Variants in SKI observed in about 807,000 individuals in gnomAD.
SKI encodes ski oncogene.
Under a neutral mutation model 59.3 loss-of-function variants are expected in SKI, and 23 were observed. The ratio of observed to expected loss-of-function variants is 0.39; its 90% CI spans 0.28 to 0.55. The LOEUF (loss-of-function observed/expected upper bound fraction) is 0.55, where lower values mean the gene tolerates loss of function less well. Ranked by LOEUF, SKI falls within the 20% of genes least tolerant of loss-of-function variation. The pLI, the probability that SKI is intolerant of heterozygous loss-of-function variation, is 0.67. For synonymous variants in SKI, 673 were observed against 488.6 expected, an observed-to-expected ratio of 1.38 and a Z score of -4.98; for missense variants, 1,017 against 1,038.9, an observed-to-expected ratio of 0.98 and a Z score of 0.29.
intron 6 of SKI, 120 bp from the exon 7 acceptor site, chr1:2,306,457 G>A (rs939937828): frequency 1.4e-5 from 16 of 1,126,466 alleles, no homozygotes; most frequent in South Asian, 4.5e-5. Context: ...GTGGAGGAGG[G>A]GCCGGCACGC....
intron 1 of SKI, among the ~76,000 whole-genome samples, chr1:2,293,903 G>A (rs564992320): frequency 1.8e-4 from 28 of 152,358 alleles, no homozygotes; most frequent in Admixed American, 1.2e-3. Context: ...CAGTGCAGGC[G>A]GTGGTCACCG....
Position 2,306,968 on chromosome 1 carries a change from G to A in SKI, c.*203G>A, listed in dbSNP as rs1267553412. 6.0e-6 allele frequency: 2 copies of A among 334,788 alleles called. No individual in the cohort carries two copies. The highest frequency in any genetic ancestry group is 1.1e-4 in the East Asian group (2 of 17,580). 20.7% of individuals were successfully genotyped at this position (334,788 alleles called of 1,614,324 possible). A position where few individuals can be genotyped will look rare whatever the true frequency, so the allele number is the denominator to read the frequency against. On this transcript the variant is annotated 3_prime_UTR_variant, in exon 7 of 7. Coordinates refer to ENST00000378536, the MANE Select transcript of SKI (RefSeq NM_003036.4). ...CTGGCCAAGTTCAAGTGAGTAAGCC[G>A]CGTCCCCCAACTACAGCTGGAGACG... is the stretch of plus-strand genomic sequence containing the variant.
At position 2,229,133 on chromosome 1, in the gene SKI, C is replaced by G; in HGVS notation, c.367C>G (p.Leu123Val). 2 of 1,611,504 alleles carry G rather than the reference C, an allele frequency of 1.2e-6. No homozygotes were observed. The highest frequency in any genetic ancestry group is 1.7e-6 in the Non-Finnish European group (2 of 1,179,900). ...FVVGGEKRLCLPQILNSVLRD... is the reference protein window; with the variant it reads ...FVVGGEKRLCVPQILNSVLRD... ...GGTGGGAGGCGAGAAGCGCCTGTGT[C>G]TGCCGCAGATTCTCAACTCGGTGCT... Residue 123 changes from leucine to valine, a missense_variant, in exon 1 of 7, where the codon CTG becomes GTG. Coordinates refer to ENST00000378536, the MANE Select transcript of SKI (RefSeq NM_003036.4). This position sits in a 1 kb window ranked among gnomAD's most constrained non-coding sequence, Gnocchi z 6.3.
rs769506718 is a variant in SKI, at chr1:2,228,929, G to C, written c.163G>C (p.Ala55Pro). The change falls in exon 1 of 7, where the codon GCG becomes CCG. Residue 55 changes from alanine to proline, a missense_variant. By Grantham distance (27) the Ala-to-Pro change is conservative. Transcript: ENST00000378536. Reference sequence around the variant, plus strand: ...CTACAAGAAGGAGAGCGCCAAGGAGGCGGGCGCGGCCGCGGTGCCGGCGCC... The same window carrying C: ...CTACAAGAAGGAGAGCGCCAAGGAGCCGGGCGCGGCCGCGGTGCCGGCGCC... ...EAYKKESAKEAGAAAVPAPVP... is the reference protein window; with the variant it reads ...EAYKKESAKEPGAAAVPAPVP... 6 of 1,384,866 alleles carry C rather than the reference G, an allele frequency of 4.3e-6. No individual in the cohort carries two copies. In the East Asian group the frequency reaches 1.0e-4, roughly 24 times the overall value. 85.8% of individuals were successfully genotyped at this position (1,384,866 alleles called of 1,614,324 possible). A position where few individuals can be genotyped will look rare whatever the true frequency, so the allele number is the denominator to read the frequency against.
chr1:2,265,531 TTC>T (rs1196983715), intron 1 of SKI, among the ~76,000 whole-genome samples: 2 of 152,246 alleles, frequency 1.3e-5, no homozygotes, highest in African/African-American at 4.8e-5. Flanking sequence ...AGTTCCAGTG[TTC>T]TCTGTGAATT....
chr1:2,263,562 G>A (rs907934534), intron 1 of SKI, among the ~76,000 whole-genome samples: 1 of 151,894 alleles, frequency 6.6e-6, no homozygotes, highest in African/African-American at 2.4e-5. Flanking sequence ...ATATTCATGA[G>A]GGATGTTGGT....
chr1:2,257,368 C>T (rs371533455), intron 1 of SKI, among the ~76,000 whole-genome samples: 174 of 152,376 alleles, frequency 1.1e-3, no homozygotes, highest in African/African-American at 4.0e-3. Flanking sequence ...TGGGAGCCCG[C>T]GGATGGCTCT....
At chr1:2,275,228 C>T (rs1340565318) in intron 1 of SKI, among the ~76,000 whole-genome samples, 1 of 152,192 alleles carries the variant, frequency 6.6e-6, no homozygotes, top group Non-Finnish European at 1.5e-5. Flanking sequence ...AACATCGGGC[C>T]CCTGAGAGGT....
At chr1:2,305,087 C>T (rs1640534490) in intron 5 of SKI, among the ~76,000 whole-genome samples, 1 of 152,222 alleles carries the variant, frequency 6.6e-6, no homozygotes, top group Non-Finnish European at 1.5e-5. Flanking sequence ...CAGAAGGCGG[C>T]TCCCGCCAGG....
intron 1 of SKI, among the ~76,000 whole-genome samples, chr1:2,244,034 C>T (rs200787698): frequency 2.0e-5 from 3 of 152,156 alleles, no homozygotes; most frequent in Non-Finnish European, 2.9e-5. Flanking sequence ...GGCATGATCT[C>T]GGCTCATTGC....
Position 2,267,389 on chromosome 1 carries a change from G to A in SKI, c.970-35589G>A, listed in dbSNP as rs1022287728. On this transcript the variant is annotated intron_variant, in intron 1 of 6. Coordinates refer to ENST00000378536, the MANE Select transcript of SKI (RefSeq NM_003036.4). This position sits in a 1 kb window ranked among gnomAD's most constrained non-coding sequence, Gnocchi z 4.1. ...TGATCCTGTGAGGAGCAAGGAAGGG[G>A]TGTGTTGACAGGGCCGTTCGGGCCG... 1.3e-5 allele frequency among the ~76,000 whole-genome samples: 2 copies of A among 152,192 alleles called. No individual in the cohort carries two copies.
At chr1:2,302,838 G>C in intron 1 of SKI, 140 bp from the exon 2 acceptor site, 2 of 1,173,366 alleles carry the variant, frequency 1.7e-6, no homozygotes, top group Middle Eastern at 4.0e-4. Flanking sequence ...GGGTGCCCTG[G>C]AATCTGCCTT....
chr1:2,232,956 CT>C (rs1638673897), intron 1 of SKI, among the ~76,000 whole-genome samples: 1 of 152,174 alleles, frequency 6.6e-6, no homozygotes, highest in Non-Finnish European at 1.5e-5. Flanking sequence ...GGCTCGCCTC[CT>C]TCCTCGGGTT....
chr1:2,283,519 G>A (rs535092601), intron 1 of SKI, among the ~76,000 whole-genome samples: 8 of 152,382 alleles, frequency 5.2e-5, no homozygotes, highest in South Asian at 4.1e-4. Flanking sequence ...CAAAGCCATC[G>A]TGCTGTCGCT....
At chr1:2,299,072 C>A (rs7520901) in intron 1 of SKI, among the ~76,000 whole-genome samples, 4,183 of 152,336 alleles carry the variant, frequency 0.027, 186 homozygotes, top group African/African-American at 0.096. Context: ...GGTGTGAATT[C>A]TCTCAGCAAA....
At chr1:2,233,587 C>T (rs530132343) in intron 1 of SKI, among the ~76,000 whole-genome samples, 4 of 152,152 alleles carry the variant, frequency 2.6e-5, no homozygotes, top group African/African-American at 2.4e-5. Context: ...GGGTCCGCGA[C>T]GGGGGTTTTC....
At chr1:2,302,161 C>CT (rs1640441009) in intron 1 of SKI, among the ~76,000 whole-genome samples, 1 of 152,176 alleles carries the variant, frequency 6.6e-6, no homozygotes, top group African/African-American at 2.4e-5. Context: ...CAGCACCTGA[C>CT]ACACAACACC....
chr1:2,232,999 A>G (rs148029377), intron 1 of SKI, among the ~76,000 whole-genome samples: 296 of 152,036 alleles, frequency 1.9e-3, no homozygotes, highest in African/African-American at 6.8e-3. Flanking sequence ...ATTGGACTAC[A>G]TTTTTTTGTC....
At chr1:2,299,132 C>T (rs948331163) in intron 1 of SKI, among the ~76,000 whole-genome samples, 4 of 152,252 alleles carry the variant, frequency 2.6e-5, no homozygotes, top group South Asian at 2.1e-4. Context: ...CGACCGTCAG[C>T]GCCGAGTGGC....
Sources: allele counts gnomAD v4.1 joint callset (sites outside exome capture counted in the v4.1 genomes callset), GRCh38; gene constraint gnomAD v4.1.1; non-coding constraint Gnocchi (gnomAD v3.1); transcripts MANE v1.5; gene names NCBI Gene and HGNC (gene_info 2026-07-23, HGNC 2026-07-21).